YLPM1: variants seen among roughly 807,000 people sequenced by gnomAD.
YLPM1 encodes YLP motif containing 1, also known as YLP motif-containing protein 1.
A neutral mutation model predicts 230.0 loss-of-function variants in YLPM1; 99 were observed. That is an observed-to-expected ratio of 0.43 (90% confidence interval 0.37 to 0.51). The LOEUF (loss-of-function observed/expected upper bound fraction) is 0.51, where lower values mean the gene tolerates loss of function less well. YLPM1 is among the 20% of genes least tolerant of loss of function. YLPM1 has a pLI of 0.00. For synonymous variants in YLPM1, 984 were observed against 942.5 expected (o/e 1.04, Z -0.81); for missense variants, 2,592 against 2,707.7 (o/e 0.96, Z 0.95).
intron 1 of YLPM1, among the ~76,000 whole-genome samples, chr14:74,770,041 G>A (rs1019190492): frequency 3.9e-5 from 6 of 151,932 alleles, no homozygotes; most frequent in African/African-American, 1.4e-4. Flanking sequence ...AATTAGCCGG[G>A]CGTGGTGGTG....
At chr14:74,819,114 G>A (rs2091501067) in intron 16 of YLPM1, among the ~76,000 whole-genome samples, 1 of 152,020 alleles carries the variant, frequency 6.6e-6, no homozygotes, top group African/African-American at 2.4e-5. Context: ...GTAATCTGTA[G>A]GGAGATACTC....
Position 74,797,884 on chromosome 14 carries a change from A to G in YLPM1, c.2587A>G (p.Lys863Glu). The change falls in exon 5 of 21, where the codon AAA becomes GAA. Residue 863 changes from lysine to glutamate, a missense_variant. Physicochemically the swap from Lys to Glu is moderately conservative, Grantham distance 56. Around this residue, in one of 4 missense-constraint regions of YLPM1, gnomAD observed 1,862 missense variants for 1,819.8 expected, o/e 1.02. Coordinates refer to ENST00000325680, the MANE Select transcript of YLPM1 (RefSeq NM_019589.3). ...KSQAEPLSGN[K>E]EPLADTSSNQ... ...ACAAGCAGAACCTCTTTCAGGAAAC[A>G]AAGAACCATTAGCAGACACCAGTAG... is the stretch of plus-strand genomic sequence containing the variant. 1 of 1,614,014 alleles carries G rather than the reference A, an allele frequency of 6.2e-7. No individual in the cohort carries two copies. The highest frequency in any genetic ancestry group is 8.5e-7 in the Non-Finnish European group (1 of 1,179,892).
At position 74,828,063 on chromosome 14, in the gene YLPM1, G is replaced by C. The variant is rs929607774; in HGVS notation, c.6164-1150G>C. On this transcript the variant is annotated intron_variant, in intron 18 of 20. Coordinates refer to ENST00000325680, the MANE Select transcript of YLPM1 (RefSeq NM_019589.3). ...AGGAACAAAAAACTTTGCCAAGAAT[G>C]CAAAATCTTACTGGTTTTTAAAGCT... The C allele has an allele frequency of 3.2e-6, 3 of 935,928 alleles. No homozygotes were observed. The African/African-American group carries it at 5.3e-5, about 17-fold the overall frequency. The allele number at this position is 935,928 out of a possible 1,614,324, so 58.0% of individuals were successfully genotyped here.
Position 74,763,735 on chromosome 14 carries a change from TCCGCCCCCTCTG to T in YLPM1, c.255_266del (p.Leu86_Pro89del). ...GCGTGCTTCAGCCCCACCACCTTCC[TCCGCCCCCTCTG>T]CCGCCCCCGCCAGTGATGCCGGGGG... is the stretch of plus-strand genomic sequence containing the variant. On this transcript the variant is annotated inframe_deletion, in exon 1 of 21. Coordinates refer to ENST00000325680, the MANE Select transcript of YLPM1 (RefSeq NM_019589.3). 3 of 1,510,806 alleles carry T rather than the reference TCCGCCCCCTCTG, an allele frequency of 2.0e-6. No individual in the cohort carries two copies. Among genetic ancestry groups the T allele is most frequent in the Admixed American group, 2.3e-5 (1 of 44,236 alleles). The allele number at this position is 1,510,806 out of a possible 1,614,324, so 93.6% of individuals were successfully genotyped here.
chr14:74,794,764 TAC>T (rs58830379), intron 4 of YLPM1, among the ~76,000 whole-genome samples: 78,526 of 150,230 alleles, frequency 0.52, 20,465 homozygotes, highest in East Asian at 0.6. Context: ...ATTTGGTTAA[TAC>T]ACACACACAC....
At chr14:74,822,154 G>A (rs954340909) in intron 17 of YLPM1, 5 of 152,036 alleles carry the variant, frequency 3.3e-5, no homozygotes, top group African/African-American at 1.2e-4. Context: ...TTTAAATCTA[G>A]TTTTCTTAAG....
In YLPM1 at chr14:74,812,654, C is replaced by T. The variant is rs2091444148; in HGVS notation, c.5374C>T (p.Arg1792Ter). ...AGAACGAAGGACTTATCCTGAGGAG[C>T]GAATGCCTCTGCCAGCTCCTTCACT... ...GGERRTYPEE[R>*]MPLPAPSLSH... Residue 1792 changes from arginine to a stop codon, truncating the protein, a stop_gained, in exon 11 of 21, where the codon CGA becomes TGA. Coordinates refer to ENST00000325680, the MANE Select transcript of YLPM1 (RefSeq NM_019589.3). LOFTEE classifies it high-confidence loss of function. 1.2e-6 allele frequency: 2 copies of T among 1,613,388 alleles called. No homozygotes were observed. Among genetic ancestry groups the T allele is most frequent in the Non-Finnish European group, 1.7e-6 (2 of 1,179,630 alleles).
chr14:74,798,562 A>G lies in YLPM1; in HGVS notation c.3265A>G (p.Ser1089Gly). Residue 1089 changes from serine to glycine, a missense_variant, in exon 5 of 21, where the codon AGT becomes GGT. Around this residue, in one of 4 missense-constraint regions of YLPM1, gnomAD observed 1,862 missense variants for 1,819.8 expected, o/e 1.02. Coordinates refer to ENST00000325680, the MANE Select transcript of YLPM1 (RefSeq NM_019589.3). Reference sequence around the variant, plus strand: ...CAGAGGGTTGGTGAGGCCTGGAAGCAGTCGGGAGAAAGTGCCAGGTGGTCT... The same window carrying G: ...CAGAGGGTTGGTGAGGCCTGGAAGCGGTCGGGAGAAAGTGCCAGGTGGTCT... Reference protein sequence around the residue: ...RDRGLVRPGSSREKVPGGLQG... With the variant: ...RDRGLVRPGSGREKVPGGLQG... 1 of 1,613,874 alleles carries G rather than the reference A, an allele frequency of 6.2e-7. No homozygotes were observed. The highest frequency in any genetic ancestry group is 8.5e-7 in the Non-Finnish European group (1 of 1,179,842).
chr14:74,799,384 C>T lies in YLPM1; in HGVS notation c.4087C>T (p.Arg1363Ter). The T allele has an allele frequency of 6.2e-7, 1 of 1,613,852 alleles. No homozygotes were observed. The highest frequency in any genetic ancestry group is 8.5e-7 in the Non-Finnish European group (1 of 1,179,850). The change falls in exon 5 of 21, where the codon CGA becomes TGA. Residue 1363 changes from arginine (R) to a stop codon, truncating the protein, a stop_gained. Transcript: ENST00000325680. LOFTEE classifies it high-confidence loss of function. ...EERNREHGYDRDFRDRGELRI... is the reference protein window; with the variant it reads ...EERNREHGYD ...AAGAAATCGAGAGCATGGGTATGAT[C>T]GAGATTTCCGTGATAGGGGTGAGTT...
chr14:74,777,576 AAAAT>A (rs1191715822), intron 1 of YLPM1, among the ~76,000 whole-genome samples: 2 of 152,026 alleles, frequency 1.3e-5, no homozygotes, highest in Non-Finnish European at 2.9e-5. Flanking sequence ...CAAAAAAAAA[AAAAT>A]AAATAAAACA....
chr14:74,821,833 G>A (rs1194768190), intron 17 of YLPM1: 2 of 152,216 alleles, frequency 1.3e-5, no homozygotes, highest in Non-Finnish European at 2.9e-5. Context: ...ACAGAGATTA[G>A]CAATGCCTTG....
intron 11 of YLPM1, among the ~76,000 whole-genome samples, chr14:74,814,316 G>A (rs1410580907): frequency 2.6e-5 from 4 of 152,096 alleles, no homozygotes; most frequent in Admixed American, 1.3e-4. Flanking sequence ...AGCCAAGATC[G>A]CGCCACTGCA....
At chr14:74,802,173 G>A (rs1021818449) in intron 5 of YLPM1, among the ~76,000 whole-genome samples, 5 of 149,106 alleles carry the variant, frequency 3.4e-5, no homozygotes, top group South Asian at 2.1e-4. Flanking sequence ...AGCTGAGATC[G>A]CGCCATTGCA....
At chr14:74,765,943 G>A (rs2090907302) in intron 1 of YLPM1, among the ~76,000 whole-genome samples, 1 of 152,142 alleles carries the variant, frequency 6.6e-6, no homozygotes, top group South Asian at 2.1e-4. Flanking sequence ...GAAGCCTGTG[G>A]CTTTCTTTCT....
intron 2 of YLPM1, among the ~76,000 whole-genome samples, chr14:74,779,260 G>C (rs115448425): frequency 0.011 from 1,750 of 152,252 alleles, 37 homozygotes; most frequent in African/African-American, 0.039. Flanking sequence ...CATAGTGACA[G>C]CACAGGGCAA....
chr14:74,781,213 CAA>C, intron 3 of YLPM1, 119 bp from the exon 4 acceptor site: 1 of 1,124,300 alleles, frequency 8.9e-7, no homozygotes, highest in Non-Finnish European at 1.2e-6. Context: ...CTTAGCCTCC[CAA>C]AGTCTTTAGT....
intron 18 of YLPM1, among the ~76,000 whole-genome samples, chr14:74,828,257 GAA>G (rs1308142485): frequency 6.6e-6 from 1 of 152,110 alleles, no homozygotes; most frequent in African/African-American, 2.4e-5. Context: ...CTGTGTTTCT[GAA>G]GTTTTTAGGC....
rs1397915446 is a variant in YLPM1 at position 74,817,196 on chromosome 14, A to G, written c.5865A>G (p.Val1955=). The G allele has an allele frequency of 2.5e-6, 4 of 1,601,688 alleles. No homozygotes were observed. The highest frequency in any genetic ancestry group is 3.4e-6 in the Non-Finnish European group (4 of 1,173,546). The change falls in exon 15 of 21, where the codon GTA becomes GTG. Residue 1955 remains valine, a splice_region_variant and synonymous_variant. Transcript: ENST00000325680. ...WSAAKTKGFE[V]YLAEMSADNQ... is the part of the protein sequence containing the mutation. ...AATTATTATTCATTCTTGCTTAGGTATATTTGGCTGAAATGAGTGCAGATA... is the reference window on the plus strand; with the variant it reads ...AATTATTATTCATTCTTGCTTAGGTGTATTTGGCTGAAATGAGTGCAGATA...
chr14:74,777,514 C>T (rs2091053402), intron 1 of YLPM1, among the ~76,000 whole-genome samples: 1 of 151,590 alleles, frequency 6.6e-6, no homozygotes, highest in Non-Finnish European at 1.5e-5. Flanking sequence ...TTGCAGTGAG[C>T]CGAGATCACA....
Sources: allele counts gnomAD v4.1 joint callset (sites outside exome capture counted in the v4.1 genomes callset), GRCh38; gene constraint gnomAD v4.1.1; regional missense constraint gnomAD v4.1.1; transcripts MANE v1.5; gene names NCBI Gene and HGNC (gene_info 2026-07-23, HGNC 2026-07-21).